Variants in INTS10 observed in about 807,000 individuals in gnomAD.
The protein encoded by INTS10 is integrator complex subunit 10.
Under a neutral mutation model 94.4 loss-of-function variants are expected in INTS10, and 44 were observed. The observed-to-expected ratio is 0.47, with a 90% CI of 0.37 to 0.60. The LOEUF (loss-of-function observed/expected upper bound fraction) is 0.60, where lower values mean the gene tolerates loss of function less well. INTS10 is among the 20% of genes least tolerant of loss of function. The pLI is 0.00. For missense variants in INTS10, 797 were observed against 868.7 expected (o/e 0.92, Z 1.04); for synonymous variants, 341 against 320.7 (o/e 1.06, Z -0.68).
chr8:19,828,820 T>C (rs781359293), intron 9 of INTS10, among the ~76,000 whole-genome samples: 1 of 151,168 alleles, frequency 6.6e-6, no homozygotes, highest in African/African-American at 2.4e-5. Flanking sequence ...GCCTCCAAAA[T>C]TGCTGGGATT....
chr8:19,832,639 C>CA (rs2067319250), intron 11 of INTS10, among the ~76,000 whole-genome samples: 1 of 152,174 alleles, frequency 6.6e-6, no homozygotes, highest in African/African-American at 2.4e-5. Flanking sequence ...TATATCCAAT[C>CA]ACACCTCTCT....
chr8:19,818,420 GT>G, intron 2 of INTS10, 78 bp downstream of exon 2: 1 of 1,412,902 alleles, frequency 7.1e-7, no homozygotes, highest in Non-Finnish European at 1.0e-6. Flanking sequence ...AGAAGTGGGA[GT>G]TGGGGGAAGA....
Position 19,844,101 on chromosome 8 carries a change from A to T in INTS10, c.1745A>T (p.Asp582Val). ...CTTAGAGCTTTCACAGACAACAGAG[A>T]CGACATGGCATTGGGGCATGTGATT... is the stretch of plus-strand genomic sequence containing the variant. ...FKLRAFTDNR[D>V]DMALGHVIVL... The change falls in exon 15 of 17, where the codon GAC becomes GTC. Residue 582 changes from aspartate (D) to valine (V), a missense_variant. By Grantham distance (152) the Asp-to-Val change is radical. Transcript: ENST00000397977. 6.2e-7 allele frequency: 1 copy of T among 1,610,500 alleles called. No homozygotes were observed. Among genetic ancestry groups the T allele is most frequent in the Non-Finnish European group, 8.5e-7 (1 of 1,178,070 alleles).
At chr8:19,837,246 C>T (rs1038531377) in intron 13 of INTS10, 86 bp downstream of exon 13, 12 of 860,362 alleles carry the variant, frequency 1.4e-5, no homozygotes, top group South Asian at 9.9e-5. Flanking sequence ...CTCAGCTACT[C>T]GGAAGTCGAG....
chr8:19,818,054 ATAT>A (rs529047047), intron 1 of INTS10: 60 of 601,832 alleles, frequency 1.0e-4, no homozygotes, highest in Non-Finnish European at 1.6e-4. Context: ...GACTTTGGAA[ATAT>A]TATCCTACTT....
intron 1 of INTS10, 155 bp from the exon 2 acceptor site, chr8:19,818,119 CA>C (rs967720121): frequency 1.2e-5 from 9 of 732,706 alleles, no homozygotes; most frequent in Non-Finnish European, 2.2e-5. Context: ...ACTCTAAGCC[CA>C]ATGGCAAGTC....
At chr8:19,833,971 C>T (rs2067448132) in intron 12 of INTS10, among the ~76,000 whole-genome samples, 1 of 149,656 alleles carries the variant, frequency 6.7e-6, no homozygotes, top group Admixed American at 6.7e-5. Context: ...TGTGCCACTG[C>T]ACTCCAGCCT....
At chr8:19,836,128 G>A (rs1197655329) in intron 12 of INTS10, among the ~76,000 whole-genome samples, 2 of 151,636 alleles carry the variant, frequency 1.3e-5, no homozygotes, top group Non-Finnish European at 2.9e-5. Context: ...CTACACGTTC[G>A]GCACATATAT....
intron 12 of INTS10, among the ~76,000 whole-genome samples, chr8:19,834,834 T>G (rs1189243790): frequency 6.6e-6 from 1 of 152,100 alleles, no homozygotes; most frequent in African/African-American, 2.4e-5. Flanking sequence ...CTCACAGTTC[T>G]GGAGGCTGGG....
Position 19,852,016 on chromosome 8 carries a change from A to G in INTS10, c.*211A>G. 1 of 398,906 alleles carries G rather than the reference A, an allele frequency of 2.5e-6. No homozygotes were observed. The highest frequency in any genetic ancestry group is 4.5e-6 in the Non-Finnish European group (1 of 223,880). The allele number at this position is 398,906 out of a possible 1,614,324, so 24.7% of individuals were successfully genotyped here. A position where few individuals can be genotyped will look rare whatever the true frequency, so the allele number is the denominator to read the frequency against. On this transcript the variant is annotated 3_prime_UTR_variant, in exon 17 of 17. Transcript: ENST00000397977. Reference sequence around the variant, plus strand: ...AAGAGTCATTTTTTGTAATTTTTGTAAAACAAAAGTACCAATCTGTTTTGT... The same window carrying G: ...AAGAGTCATTTTTTGTAATTTTTGTGAAACAAAAGTACCAATCTGTTTTGT...
chr8:19,827,530 T>G (rs1416698871), intron 9 of INTS10, among the ~76,000 whole-genome samples: 2 of 152,158 alleles, frequency 1.3e-5, no homozygotes, highest in Non-Finnish European at 2.9e-5. Context: ...TACCATACCC[T>G]GGGCATCTGA....
intron 13 of INTS10, among the ~76,000 whole-genome samples, chr8:19,840,571 G>A (rs2128799439): frequency 6.6e-6 from 1 of 152,302 alleles, no homozygotes; most frequent in East Asian, 1.9e-4. Flanking sequence ...TCAAGACAGA[G>A]TTGACAAAAT....
rs2128821088 is a variant in INTS10 at position 19,851,943 on chromosome 8, G to T, written c.*138G>T. On this transcript the variant is annotated 3_prime_UTR_variant, in exon 17 of 17. Coordinates refer to ENST00000397977, the MANE Select transcript of INTS10 (RefSeq NM_018142.4). The surrounding 1 kb of genome is among the most constrained non-coding windows in gnomAD (Gnocchi z 5.0). Reference sequence around the variant, plus strand: ...AAACCATCTGAGTTCTAACTCCTTGGTTGCTTAAAAGTAGTTCCCAAGAGT... The same window carrying T: ...AAACCATCTGAGTTCTAACTCCTTGTTTGCTTAAAAGTAGTTCCCAAGAGT... The T allele has an allele frequency of 1.2e-5, 8 of 642,950 alleles. No individual in the cohort carries two copies. The highest frequency in any genetic ancestry group is 2.0e-5 in the Non-Finnish European group (8 of 398,060). 39.8% of individuals were successfully genotyped at this position (642,950 alleles called of 1,614,324 possible). A position where few individuals can be genotyped will look rare whatever the true frequency, so the allele number is the denominator to read the frequency against.
At chr8:19,817,947 A>G (rs1476341780) in intron 1 of INTS10, among the ~76,000 whole-genome samples, 2 of 152,178 alleles carry the variant, frequency 1.3e-5, no homozygotes, top group Non-Finnish European at 2.9e-5. Flanking sequence ...CCTGGGGCTC[A>G]GCGTGCCATC....
rs2066433754 is a variant in INTS10 at position 19,822,218 on chromosome 8, T to C, written c.442-221T>C. The C allele has an allele frequency of 5.3e-5, 18 of 342,068 alleles. No individual in the cohort carries two copies. The East Asian group carries it at 7.9e-4, about 15-fold the overall frequency. 21.2% of individuals were successfully genotyped at this position (342,068 alleles called of 1,614,324 possible). A position where few individuals can be genotyped will look rare whatever the true frequency, so the allele number is the denominator to read the frequency against. On this transcript the variant is annotated intron_variant, in intron 4 of 16. Coordinates refer to ENST00000397977, the MANE Select transcript of INTS10 (RefSeq NM_018142.4). ...TAGAATTTGCTAATTATGAAGAGAA[T>C]AACCAAGACAGAGTGGTCAGATGTT...
rs1177407267 is a variant in INTS10, at chr8:19,851,794, ACT to A, written c.2125_2126del (p.Leu709AspfsTer51). 6.2e-7 allele frequency: 1 copy of A among 1,613,890 alleles called. No homozygotes were observed. The highest frequency in any genetic ancestry group is 1.3e-5 in the African/African-American group (1 of 74,870). ...TAATGAGAAGATCTTGCTCCTTCAG[ACT>A]CTGACCTGAGTGGAGACCTTTCCAC... Reference protein sequence around the residue: ...CINEKILLLQTLT With the variant: ...CINEKILLLQXLT On this transcript the variant is annotated frameshift_variant, in exon 17 of 17. Coordinates refer to ENST00000397977, the MANE Select transcript of INTS10 (RefSeq NM_018142.4). LOFTEE classifies it high-confidence loss of function. The surrounding 1 kb of genome is among the most constrained non-coding windows in gnomAD (Gnocchi z 5.0).
Position 19,851,635 on chromosome 8 carries a change from A to T in INTS10, c.1977-14A>T. On this transcript the variant is annotated splice_polypyrimidine_tract_variant and intron_variant, in intron 16 of 16. Coordinates refer to ENST00000397977, the MANE Select transcript of INTS10 (RefSeq NM_018142.4). The surrounding 1 kb of genome is among the most constrained non-coding windows in gnomAD (Gnocchi z 5.0). ...ACCCCTGGTCTTTGTCTGTTTCCCT[A>T]TTGCTGACCTCAGGCACCACACTGT... 1.2e-6 allele frequency: 2 copies of T among 1,613,980 alleles called. No individual in the cohort carries two copies. The highest frequency in any genetic ancestry group is 1.3e-5 in the African/African-American group (1 of 75,026).
rs1326143817 is a variant in INTS10 at position 19,843,251 on chromosome 8, C to T, written c.1719+324C>T. 6.6e-6 allele frequency among the ~76,000 whole-genome samples: 1 copy of T among 152,058 alleles called. No homozygotes were observed. Among genetic ancestry groups the T allele is most frequent in the Non-Finnish European group, 1.5e-5 (1 of 68,002 alleles). On this transcript the variant is annotated intron_variant, in intron 14 of 16. Transcript: ENST00000397977. The surrounding 1 kb of genome is among the most constrained non-coding windows in gnomAD (Gnocchi z 4.7). ...CTACAAAGAAAGGGAATACAAATTG[C>T]GGTTAGGTTCATGGAGGGATGATGA... is the stretch of plus-strand genomic sequence containing the variant.
chr8:19,817,765 C>A (rs1390894566), intron 1 of INTS10, 99 bp downstream of exon 1: 8 of 1,441,668 alleles, frequency 5.5e-6, no homozygotes, highest in South Asian at 2.6e-5. Context: ...TGGGGGCTGC[C>A]GCCTCCTGCC....
Sources: allele counts gnomAD v4.1 joint callset (sites outside exome capture counted in the v4.1 genomes callset), GRCh38; gene constraint gnomAD v4.1.1; non-coding constraint Gnocchi (gnomAD v3.1); transcripts MANE v1.5; gene names NCBI Gene and HGNC (gene_info 2026-07-23, HGNC 2026-07-21).